Variants in HECTD2 observed in about 807,000 individuals in gnomAD.
HECTD2 encodes the protein HECT domain E3 ubiquitin protein ligase 2, also known as probable E3 ubiquitin-protein ligase HECTD2.
Under a neutral mutation model 103.2 loss-of-function variants are expected in HECTD2, and 35 were observed. The ratio of observed to expected loss-of-function variants is 0.34; its 90% confidence interval spans 0.26 to 0.45. HECTD2 has a LOEUF of 0.45. Among genes scored for constraint, HECTD2 ranks in the 20% least tolerant of loss-of-function variants. The probability of loss-of-function intolerance (pLI) is 1.00; values close to 1 mark genes in which losing one functional copy is unlikely to be tolerated. For missense variants in HECTD2, 596 were observed against 937.4 expected (o/e 0.64, Z 4.76); for synonymous variants, 281 against 329.9 (o/e 0.85, Z 1.61).
chr10:91,468,545 A>G (rs1845611318), intron 5 of HECTD2, among the ~76,000 whole-genome samples: 1 of 152,324 alleles, frequency 6.6e-6, no homozygotes. Context: ...GTTCCCAGCA[A>G]TGGTTCTTAA....
At chr10:91,498,293 C>T (rs1846761795) in intron 16 of HECTD2, 111 bp downstream of exon 16, 5 of 726,260 alleles carry the variant, frequency 6.9e-6, no homozygotes, top group South Asian at 6.9e-5. Context: ...TTAACCAATA[C>T]ATACAATCCT....
Position 91,460,464 on chromosome 10 carries a change from A to G in HECTD2, c.306A>G (p.Gln102=), listed in dbSNP as rs1487251221. Residue 102 remains glutamine (Q), a synonymous_variant, in exon 3 of 21, where the codon CAA becomes CAG. Transcript: ENST00000298068. ...CACCAATTTGCCTTGATGTTAGACAAAAACAGCGTACATCTATGGATGCAT... is the reference window on the plus strand; with the variant it reads ...CACCAATTTGCCTTGATGTTAGACAGAAACAGCGTACATCTATGGATGCAT... ...EPPPICLDVR[Q]KQRTSMDASS... The G allele has an allele frequency of 6.2e-7, 1 of 1,611,252 alleles. No individual in the cohort carries two copies. Among genetic ancestry groups the G allele is most frequent in the African/African-American group, 1.3e-5 (1 of 74,982 alleles).
At chr10:91,434,885 T>C (rs1251542086) in intron 2 of HECTD2, among the ~76,000 whole-genome samples, 1 of 151,956 alleles carries the variant, frequency 6.6e-6, no homozygotes, top group East Asian at 1.9e-4. Context: ...AGCTACCTTA[T>C]GAAGTTGTAA....
At chr10:91,481,599 GT>G (rs998344448) in intron 7 of HECTD2, among the ~76,000 whole-genome samples, 15 of 149,756 alleles carry the variant, frequency 1.0e-4, no homozygotes, top group African/African-American at 2.5e-4. Flanking sequence ...AAGATAAAAG[GT>G]TTTTTTTTAA....
chr10:91,481,757 G>A (rs927204393), intron 7 of HECTD2, among the ~76,000 whole-genome samples: 1 of 151,482 alleles, frequency 6.6e-6, no homozygotes, highest in Non-Finnish European at 1.5e-5. Flanking sequence ...ACCATAGCTA[G>A]CATACTATTA....
intron 1 of HECTD2, among the ~76,000 whole-genome samples, chr10:91,417,459 G>A (rs1299126860): frequency 1.3e-5 from 2 of 151,840 alleles, no homozygotes; most frequent in Admixed American, 6.6e-5. Context: ...CCATGTTGGT[G>A]TGCTGCACCC....
chr10:91,471,764 G>A (rs987127300), intron 5 of HECTD2, among the ~76,000 whole-genome samples: 4 of 152,072 alleles, frequency 2.6e-5, no homozygotes, highest in Non-Finnish European at 5.9e-5. Context: ...TGAGGTAAGA[G>A]AGCATTAACA....
At chr10:91,505,415 G>A (rs1290595033) in intron 20 of HECTD2, among the ~76,000 whole-genome samples, 2 of 152,028 alleles carry the variant, frequency 1.3e-5, no homozygotes, top group East Asian at 1.9e-4. Context: ...TCAAAATAAA[G>A]GGATGGAGGA....
chr10:91,505,789 G>A (rs1170383930), intron 20 of HECTD2, among the ~76,000 whole-genome samples: 2 of 152,142 alleles, frequency 1.3e-5, no homozygotes, highest in Admixed American at 6.5e-5. Context: ...GACATCTACA[G>A]AACTCTCCAC....
At chr10:91,467,730 G>T (rs1448096289) in intron 5 of HECTD2, among the ~76,000 whole-genome samples, 2 of 151,884 alleles carry the variant, frequency 1.3e-5, no homozygotes, top group Admixed American at 6.6e-5. Flanking sequence ...GTTTGCGAGT[G>T]AGTGGACCTC....
chr10:91,494,166 T>C (rs1846578751), intron 14 of HECTD2, among the ~76,000 whole-genome samples: 1 of 150,202 alleles, frequency 6.7e-6, no homozygotes, highest in Non-Finnish European at 1.5e-5. Flanking sequence ...GAGGGAAGAG[T>C]AAATAAATAA....
chr10:91,503,897 G>A (rs1321251755), intron 20 of HECTD2, among the ~76,000 whole-genome samples: 1 of 152,220 alleles, frequency 6.6e-6, no homozygotes, highest in African/African-American at 2.4e-5. Flanking sequence ...TTTGAAGAGA[G>A]CAGGGGTTCT....
chr10:91,497,290 T>C (rs913842035), intron 15 of HECTD2, among the ~76,000 whole-genome samples: 7 of 133,280 alleles, frequency 5.3e-5, no homozygotes, highest in African/African-American at 1.8e-4. Flanking sequence ...AATGTTTCTT[T>C]TTTTTTTTTT....
At chr10:91,468,619 A>G (rs1015051772) in intron 5 of HECTD2, among the ~76,000 whole-genome samples, 8 of 152,300 alleles carry the variant, frequency 5.3e-5, no homozygotes, top group Middle Eastern at 3.4e-3. Context: ...ATTGAGATTC[A>G]GGAGAAAGTA....
intron 1 of HECTD2, among the ~76,000 whole-genome samples, chr10:91,414,203 A>G (rs574878076): frequency 7.2e-5 from 11 of 152,286 alleles, no homozygotes; most frequent in Admixed American, 5.9e-4. Context: ...TGGGTTCAAG[A>G]AAGAGCTAGA....
chr10:91,425,912 G>GA (rs1416376045), intron 2 of HECTD2, among the ~76,000 whole-genome samples: 2 of 151,712 alleles, frequency 1.3e-5, no homozygotes, highest in African/African-American at 4.8e-5. Context: ...AAGATAAATG[G>GA]AAAAAATGTA....
Position 91,493,410 on chromosome 10 carries a change from G to GT in HECTD2, c.1433-3dup, listed in dbSNP as rs568783237. 379 of 1,455,178 alleles carry GT rather than the reference G, an allele frequency of 2.6e-4. No homozygotes were observed. Among genetic ancestry groups the GT allele is most frequent in the Non-Finnish European group, 3.2e-4 (343 of 1,086,514 alleles). 90.1% of individuals were successfully genotyped at this position (1,455,178 alleles called of 1,614,324 possible). A position where few individuals can be genotyped will look rare whatever the true frequency, so the allele number is the denominator to read the frequency against. On this transcript the variant is annotated splice_polypyrimidine_tract_variant and intron_variant, in intron 13 of 20. Coordinates refer to ENST00000298068, the MANE Select transcript of HECTD2 (RefSeq NM_182765.6). ...ATGTTAATAATAACATTATTCGTGT[G>GT]TTTTTTTAGGCATGTTTACATATCA...
Position 91,491,228 on chromosome 10 carries a change from G to A in HECTD2, c.1220G>A (p.Arg407Lys). 1 of 1,582,978 alleles carries A rather than the reference G, an allele frequency of 6.3e-7. No individual in the cohort carries two copies. ...RQSLVDKVSR[R>K]QRPDMNILFL... The stretch of plus-strand genomic sequence containing the variant: ...AGTCTGGTGGATAAAGTATCTCGAA[G>A]ACAGAGACCTGATATGAATATATTA... The change falls in exon 12 of 21, where the codon AGA becomes AAA. Residue 407 changes from arginine (R) to lysine (K), a missense_variant. By Grantham distance (26) the Arg-to-Lys change is conservative (BLOSUM62 2). Coordinates refer to ENST00000298068, the MANE Select transcript of HECTD2 (RefSeq NM_182765.6).
intron 20 of HECTD2, among the ~76,000 whole-genome samples, chr10:91,503,515 C>T (rs1223648866): frequency 4.6e-5 from 7 of 152,064 alleles, no homozygotes; most frequent in Admixed American, 6.5e-5. Flanking sequence ...AAAGGGGTGA[C>T]GGACAGCACC....
Sources: allele counts gnomAD v4.1 joint callset (sites outside exome capture counted in the v4.1 genomes callset), GRCh38; gene constraint gnomAD v4.1.1; transcripts MANE v1.5; gene names NCBI Gene and HGNC (gene_info 2026-07-23, HGNC 2026-07-21).